Variants in MACROD2 observed in about 807,000 individuals in gnomAD.
The protein encoded by MACROD2 is ADP-ribose glycohydrolase MACROD2.
In MACROD2, 36 loss-of-function variants were observed where a neutral mutation model predicts 70.4. The observed-to-expected ratio is 0.51, with a 90% CI of 0.39 to 0.68. The LOEUF is 0.68. Among genes scored for constraint, MACROD2 ranks in the 30% least tolerant of loss-of-function variants. The pLI is 0.00. For synonymous variants in MACROD2, 172 were observed against 178.8 expected, an observed-to-expected ratio of 0.96 and a Z score of 0.30; for missense variants, 496 against 538.4, an observed-to-expected ratio of 0.92 and a Z score of 0.78.
At chr20:14,973,324 G>A (rs2074709184) in intron 5 of MACROD2, among the ~76,000 whole-genome samples, 1 of 147,514 alleles carries the variant, frequency 6.8e-6, no homozygotes, top group African/African-American at 2.5e-5. Context: ...CTGGGTTCAA[G>A]TGATTCTCCT....
rs188183911 is a variant in MACROD2 at position 14,034,220 on chromosome 20, C to T, written c.163+31816C>T. Among the ~76,000 whole-genome samples, 1,432 of 152,220 alleles carry T rather than the reference C, an allele frequency of 9.4e-3. 17 individuals carry two copies. Among genetic ancestry groups the T allele is most frequent in the African/African-American group, 0.032 (1,349 of 41,546 alleles). On this transcript the variant is annotated intron_variant, in intron 2 of 17. Transcript: ENST00000684519. ...CGATCTCCTGACCTTGTGATCCGCCCGCCTCAGCCTCCCAAAGTGCTGGGA... is the reference window on the plus strand; with the variant it reads ...CGATCTCCTGACCTTGTGATCCGCCTGCCTCAGCCTCCCAAAGTGCTGGGA...
At chr20:14,929,559 A>G (rs920204115) in intron 5 of MACROD2, 7 of 152,138 alleles carry the variant, frequency 4.6e-5, no homozygotes, top group African/African-American at 9.7e-5. Context: ...GGGTTCCATT[A>G]CATAGGTGTG....
At chr20:15,773,624 G>A (rs557140558) in intron 8 of MACROD2, among the ~76,000 whole-genome samples, 4 of 152,094 alleles carry the variant, frequency 2.6e-5, no homozygotes, top group South Asian at 2.1e-4. Context: ...TAATGGAACC[G>A]TGCAGCATTT....
intron 5 of MACROD2, among the ~76,000 whole-genome samples, chr20:14,978,370 G>A (rs1324396): frequency 0.82 from 120,898 of 146,622 alleles, 50,394 homozygotes; most frequent in Non-Finnish European, 0.9. Flanking sequence ...CCCTCTCCGC[G>A]CCCCGCCCCC....
intron 8 of MACROD2, among the ~76,000 whole-genome samples, chr20:15,674,034 C>G (rs183170965): frequency 1.1e-3 from 170 of 152,142 alleles, no homozygotes; most frequent in African/African-American, 4.0e-3. Context: ...CTTGCATGTG[C>G]GTATGAATCA....
At chr20:15,334,122 C>G (rs190650936) in intron 6 of MACROD2, among the ~76,000 whole-genome samples, 33 of 151,726 alleles carry the variant, frequency 2.2e-4, no homozygotes, top group South Asian at 1.9e-3. Flanking sequence ...CATGAGCAAA[C>G]TGAAGGCTTC....
At chr20:15,207,692 C>T (rs570558785) in intron 5 of MACROD2, among the ~76,000 whole-genome samples, 4 of 151,882 alleles carry the variant, frequency 2.6e-5, no homozygotes, top group African/African-American at 4.8e-5. Context: ...CTGCCCACCT[C>T]GGCCTGCCAA....
At chr20:15,443,368 A>G (rs1185864641) in intron 7 of MACROD2, among the ~76,000 whole-genome samples, 1 of 152,118 alleles carries the variant, frequency 6.6e-6, no homozygotes, top group East Asian at 1.9e-4. Flanking sequence ...AGTCAAAGGA[A>G]ATCTCCTTAG....
rs537360379 is a variant in MACROD2 at position 15,138,158 on chromosome 20, A to G, written c.419-91782A>G. ...TTCTGTAGAGAGTTTTTGCATATGT[A>G]TATTCACTATTAATACACAGAAGAT... is the stretch of plus-strand genomic sequence containing the variant. On this transcript the variant is annotated intron_variant, in intron 5 of 17. Transcript: ENST00000684519. Among the ~76,000 whole-genome samples, 5 of 152,260 alleles carry G rather than the reference A, an allele frequency of 3.3e-5. 1 individual carries two copies. In the South Asian group the frequency reaches 8.3e-4, roughly 25 times the overall value.
At chr20:14,857,987 A>ACT (rs2073273905) in intron 5 of MACROD2, among the ~76,000 whole-genome samples, 3 of 151,818 alleles carry the variant, frequency 2.0e-5, no homozygotes, top group Admixed American at 2.0e-4. Context: ...CGCATGGCTA[A>ACT]TTTTTGTATT....
At chr20:14,471,714 G>A (rs2123047996) in intron 3 of MACROD2, among the ~76,000 whole-genome samples, 1 of 152,154 alleles carries the variant, frequency 6.6e-6, no homozygotes, top group East Asian at 1.9e-4. Context: ...TGCCTTCTAA[G>A]GTTCTAAGGT....
intron 8 of MACROD2, among the ~76,000 whole-genome samples, chr20:15,583,245 T>A (rs1383624074): frequency 2.0e-5 from 3 of 152,212 alleles, no homozygotes; most frequent in Non-Finnish European, 4.4e-5. Context: ...TCCCTCTCAG[T>A]TATCTCTACA....
At chr20:15,012,620 C>T (rs929651634) in intron 5 of MACROD2, among the ~76,000 whole-genome samples, 1 of 152,112 alleles carries the variant, frequency 6.6e-6, no homozygotes, top group Admixed American at 6.5e-5. Flanking sequence ...CTTTTCCCTC[C>T]TGAATAGGAA....
Position 14,334,569 on chromosome 20 carries a change from T to TCAAC in MACROD2, c.272-158910_272-158909insCAAC, listed in dbSNP as rs1195095949. Among the ~76,000 whole-genome samples the TCAAC allele has an allele frequency of 7.9e-5, 12 of 151,360 alleles. No homozygotes were observed. The South Asian group carries it at 1.7e-3, about 21-fold the overall frequency. On this transcript the variant is annotated intron_variant, in intron 3 of 17. Coordinates refer to ENST00000684519, the MANE Select transcript of MACROD2 (RefSeq NM_001351661.2). ...CTGCTTTCTGAAGCCGCAAGTCAGATGTTGGCTGCTGCTGGCCAGTTTTTC... is the reference window on the plus strand; with the variant it reads ...CTGCTTTCTGAAGCCGCAAGTCAGATCAACGTTGGCTGCTGCTGGCCAGTTTTTC...
intron 5 of MACROD2, among the ~76,000 whole-genome samples, chr20:14,722,455 C>G (rs563120905): frequency 6.6e-6 from 1 of 152,184 alleles, no homozygotes; most frequent in Non-Finnish European, 1.5e-5. Flanking sequence ...ACCCTGAACA[C>G]GTTTTTCTTT....
chr20:14,842,973 AT>A, intron 5 of MACROD2, among the ~76,000 whole-genome samples: 1 of 152,086 alleles, frequency 6.6e-6, no homozygotes, highest in Middle Eastern at 3.4e-3. Context: ...CCCAGAGTGT[AT>A]GTGCCACTCT....
At chr20:14,221,889 T>A (rs2122169732) in intron 3 of MACROD2, among the ~76,000 whole-genome samples, 1 of 152,330 alleles carries the variant, frequency 6.6e-6, no homozygotes, top group Admixed American at 6.5e-5. Flanking sequence ...TTCAACTCAC[T>A]AATCATAAGA....
chr20:14,190,732 G>A (rs6042575), intron 3 of MACROD2, among the ~76,000 whole-genome samples: 1 of 51,200 alleles, frequency 2.0e-5, no homozygotes, highest in Non-Finnish European at 3.4e-5. Flanking sequence ...TTTTTTTCCA[G>A]AGTCTTGTTC....
At chr20:16,023,000 A>G (rs1288166178) in intron 15 of MACROD2, among the ~76,000 whole-genome samples, 1 of 152,226 alleles carries the variant, frequency 6.6e-6, no homozygotes, top group East Asian at 1.9e-4. Flanking sequence ...CAATGTGTTT[A>G]TGGCATCTCA....
Sources: gnomAD v4.1 joint callset for allele counts (sites outside exome capture counted in the v4.1 genomes callset) on GRCh38, gnomAD v4.1.1 for gene constraint, MANE v1.5 for transcripts, NCBI Gene and HGNC (gene_info 2026-07-23, HGNC 2026-07-21) for gene names.